Variants in DIO1 observed in about 807,000 individuals in gnomAD.
The protein encoded by DIO1 is iodothyronine deiodinase 1, also known as type I iodothyronine deiodinase.
A neutral mutation model predicts 25.9 loss-of-function variants in DIO1; 17 were observed. The observed-to-expected ratio is 0.66, with a 90% CI of 0.45 to 0.98. The LOEUF is 0.98. Among genes scored for constraint, DIO1 ranks in the 50% least tolerant of loss-of-function variants. The pLI is 0.00. For synonymous variants in DIO1, 115 were observed against 114.0 expected, an observed-to-expected ratio of 1.01 and a Z score of -0.05; for missense variants, 270 against 310.4, an observed-to-expected ratio of 0.87 and a Z score of 0.98.
At chr1:53,896,155 A>G (rs1651059508) in intron 1 of DIO1, among the ~76,000 whole-genome samples, 1 of 150,138 alleles carries the variant, frequency 6.7e-6, no homozygotes, top group Non-Finnish European at 1.5e-5. Context: ...CAGCAGGTAG[A>G]GAAGGCACCT....
chr1:53,894,497 C>T lies in DIO1; in HGVS notation c.287C>T (p.Pro96Leu), dbSNP rs144787545. 12 of 1,614,042 alleles carry T rather than the reference C, an allele frequency of 7.4e-6. No individual in the cohort carries two copies. Among genetic ancestry groups the T allele is most frequent in the African/African-American group, 5.3e-5 (4 of 74,910 alleles). Reference protein sequence around the residue: ...TELGGLAPNCPVVRLSGQRCN... With the variant: ...TELGGLAPNCLVVRLSGQRCN... ...CTAGGGGGTCTGGCCCCAAACTGCC[C>T]GGTGGTCCGCCTCTCAGGACAGAGG... Residue 96 changes from proline (P) to leucine (L), a missense_variant, in exon 1 of 4, where the codon CCG becomes CTG. Transcript: ENST00000361921. This position sits in a 1 kb window ranked among gnomAD's most constrained non-coding sequence, Gnocchi z 4.9.
chr1:53,901,505 G>T (rs1651365910), intron 1 of DIO1, among the ~76,000 whole-genome samples: 1 of 152,112 alleles, frequency 6.6e-6, no homozygotes, highest in Non-Finnish European at 1.5e-5. Context: ...CTGGGCTGTG[G>T]ATGAATTCTG....
chr1:53,898,422 G>A (rs931149905), intron 1 of DIO1, among the ~76,000 whole-genome samples: 6 of 152,150 alleles, frequency 3.9e-5, no homozygotes, highest in African/African-American at 1.2e-4. Context: ...GTTTCCAAGA[G>A]AGAAGTAAAC....
At chr1:53,907,687 T>G (rs928534858) in intron 3 of DIO1, among the ~76,000 whole-genome samples, 1 of 143,684 alleles carries the variant, frequency 7.0e-6, no homozygotes, top group East Asian at 2.1e-4. Flanking sequence ...CGAGGCAGGC[T>G]GATCACTTGA....
intron 3 of DIO1, among the ~76,000 whole-genome samples, chr1:53,907,841 G>A (rs1161309920): frequency 6.7e-6 from 1 of 150,090 alleles, no homozygotes; most frequent in Non-Finnish European, 1.5e-5. Context: ...TACCCGGGAG[G>A]CAGAGGTTGT....
chr1:53,897,500 A>T (rs1651140939), intron 1 of DIO1, among the ~76,000 whole-genome samples: 1 of 152,042 alleles, frequency 6.6e-6, no homozygotes, highest in East Asian at 1.9e-4. Flanking sequence ...TAAAATATAA[A>T]ATAAAATAAA....
intron 3 of DIO1, 132 bp from the exon 4 acceptor site, chr1:53,909,799 G>A (rs1651854645): frequency 1.2e-6 from 1 of 803,184 alleles, no homozygotes; most frequent in African/African-American, 1.7e-5. Context: ...ATCTGCCATT[G>A]AATTAGCCAT....
intron 3 of DIO1, 43 bp downstream of exon 3, chr1:53,906,337 C>A: frequency 1.3e-6 from 2 of 1,548,550 alleles, no homozygotes; most frequent in Non-Finnish European, 1.8e-6. Flanking sequence ...GCAAAGGGGC[C>A]CAGGGAGGGC....
intron 3 of DIO1, among the ~76,000 whole-genome samples, chr1:53,908,047 C>T (rs1651749710): frequency 6.6e-6 from 1 of 151,450 alleles, no homozygotes; most frequent in African/African-American, 2.4e-5. Context: ...CATGGTGAAA[C>T]CCTGTCTCTA....
intron 1 of DIO1, among the ~76,000 whole-genome samples, chr1:53,897,230 C>T (rs1481484154): frequency 1.3e-5 from 2 of 152,206 alleles, no homozygotes. Context: ...AATTCCAGCA[C>T]TTTGGGAGGC....
Position 53,906,282 on chromosome 1 carries a change from G to A in DIO1, c.669G>A (p.Arg223=), listed in dbSNP as rs201552675. 1 of 1,612,578 alleles carries A rather than the reference G, an allele frequency of 6.2e-7. No individual in the cohort carries two copies. Among genetic ancestry groups the A allele is most frequent in the African/African-American group, 1.3e-5 (1 of 75,028 alleles). The change falls in exon 3 of 4, where the codon AGG becomes AGA. Residue 223 remains arginine (R), a synonymous_variant. Coordinates refer to ENST00000361921, the MANE Select transcript of DIO1 (RefSeq NM_000792.7). ...PERLYIIQEG[R]ILYKGKSGPW... is the part of the protein sequence containing the mutation. ...GGCTCTACATAATCCAGGAGGGCAGGATCCTCTACAAGGTGGTGACCTGGG... is the reference window on the plus strand; with the variant it reads ...GGCTCTACATAATCCAGGAGGGCAGAATCCTCTACAAGGTGGTGACCTGGG...
intron 1 of DIO1, among the ~76,000 whole-genome samples, chr1:53,899,321 G>C (rs1261927045): frequency 6.6e-6 from 1 of 152,136 alleles, no homozygotes; most frequent in Non-Finnish European, 1.5e-5. Flanking sequence ...CCTGACATGG[G>C]GGTTAATTTA....
In DIO1 at chr1:53,894,252, G is replaced by A; in HGVS notation, c.42G>A (p.Trp14Ter). ...PQPGLWLKRLWVLLEVAVHVV... is the reference protein window; with the variant it reads ...PQPGLWLKRL ...CAGGGCTGTGGCTGAAGAGGCTCTG[G>A]GTGCTCTTGGAGGTGGCTGTGCATG... The change falls in exon 1 of 4, where the codon TGG becomes TGA. Residue 14 changes from tryptophan (W) to a stop codon, truncating the protein, a stop_gained. Transcript: ENST00000361921. LOFTEE classifies it high-confidence loss of function. This position sits in a 1 kb window ranked among gnomAD's most constrained non-coding sequence, Gnocchi z 4.9. The A allele has an allele frequency of 6.2e-7, 1 of 1,614,206 alleles. No individual in the cohort carries two copies. Among genetic ancestry groups the A allele is most frequent in the Non-Finnish European group, 8.5e-7 (1 of 1,180,030 alleles).
intron 3 of DIO1, among the ~76,000 whole-genome samples, chr1:53,908,076 G>C (rs1189113707): frequency 3.3e-5 from 5 of 151,886 alleles, no homozygotes; most frequent in Non-Finnish European, 7.4e-5. Flanking sequence ...ACAAAAATTA[G>C]CCAGGCATGG....
intron 1 of DIO1, among the ~76,000 whole-genome samples, chr1:53,898,461 T>C (rs1651190946): frequency 6.6e-6 from 1 of 152,058 alleles, no homozygotes; most frequent in Non-Finnish European, 1.5e-5. Context: ...TAGAAAGACA[T>C]TGGCCGAGCA....
chr1:53,906,887 C>T (rs999030445), intron 3 of DIO1, among the ~76,000 whole-genome samples: 1 of 152,238 alleles, frequency 6.6e-6, no homozygotes, highest in Non-Finnish European at 1.5e-5. Context: ...CTCCTGGCCT[C>T]AAGTGATCTG....
At chr1:53,896,727 T>A (rs560069843) in intron 1 of DIO1, among the ~76,000 whole-genome samples, 51 of 152,248 alleles carry the variant, frequency 3.3e-4, no homozygotes, top group African/African-American at 1.1e-3. Flanking sequence ...AAACAAATCC[T>A]TACAGTCCTA....
At chr1:53,909,091 CAAAAAAAAAAAA>C (rs1250620102) in intron 3 of DIO1, among the ~76,000 whole-genome samples, 4 of 135,198 alleles carry the variant, frequency 3.0e-5, no homozygotes, top group African/African-American at 1.1e-4. Flanking sequence ...GAGACTCTCT[CAAAAAAAAAAAA>C]GAAAAGAAAA....
chr1:53,904,185 T>A (rs576273273), intron 1 of DIO1, among the ~76,000 whole-genome samples: 23 of 152,336 alleles, frequency 1.5e-4, no homozygotes, highest in African/African-American at 5.5e-4. Flanking sequence ...ACTGAAGTGC[T>A]ATGAATAGAA....
Sources: allele counts gnomAD v4.1 joint callset (sites outside exome capture counted in the v4.1 genomes callset), GRCh38; gene constraint gnomAD v4.1.1; non-coding constraint Gnocchi (gnomAD v3.1); transcripts MANE v1.5; gene names NCBI Gene and HGNC (gene_info 2026-07-23, HGNC 2026-07-21).